The following NXPH1 variants were observed in gnomAD, a reference collection of about 807,000 sequenced individuals.
NXPH1 encodes the protein neurexophilin 1.
NXPH1 carries 5 observed loss-of-function variants against 23.7 expected under a neutral mutation model. The ratio of observed to expected loss-of-function variants is 0.21; its 90% confidence interval spans 0.11 to 0.44. The LOEUF is 0.44. Among genes scored for constraint, NXPH1 ranks in the 20% least tolerant of loss-of-function variants. NXPH1 has a pLI of 0.99. For missense variants in NXPH1, 324 were observed against 321.6 expected (o/e 1.01, Z -0.06); for synonymous variants, 144 against 122.2 (o/e 1.18, Z -1.18).
At chr7:8,682,000 A>G (rs564592122) in intron 2 of NXPH1, among the ~76,000 whole-genome samples, 2 of 152,310 alleles carry the variant, frequency 1.3e-5, no homozygotes, top group East Asian at 3.9e-4. Context: ...CAAGGAGGCA[A>G]GGGAGGAGAA....
intron 2 of NXPH1, among the ~76,000 whole-genome samples, chr7:8,490,389 G>T (rs1229971320): frequency 1.3e-5 from 2 of 150,902 alleles, no homozygotes; most frequent in African/African-American, 4.9e-5. Context: ...ATAGCTGCTT[G>T]TAGTTACACA....
intron 2 of NXPH1, among the ~76,000 whole-genome samples, chr7:8,437,189 G>A (rs1452321865): frequency 6.6e-6 from 1 of 152,194 alleles, no homozygotes; most frequent in Non-Finnish European, 1.5e-5. Flanking sequence ...TGTCACCGAA[G>A]TCTGTGCCTT....
At chr7:8,614,303 T>C (rs1819685274) in intron 2 of NXPH1, among the ~76,000 whole-genome samples, 3 of 151,900 alleles carry the variant, frequency 2.0e-5, no homozygotes, top group African/African-American at 4.8e-5. Context: ...GGGTAAAAAA[T>C]GCAAACATTG....
At chr7:8,483,481 G>A (rs1227787288) in intron 2 of NXPH1, among the ~76,000 whole-genome samples, 1 of 151,818 alleles carries the variant, frequency 6.6e-6, no homozygotes, top group Non-Finnish European at 1.5e-5. Flanking sequence ...GCTAAATTTT[G>A]TATTTTCTGT....
intron 2 of NXPH1, among the ~76,000 whole-genome samples, chr7:8,746,742 A>G (rs573510575): frequency 2.6e-5 from 4 of 152,186 alleles, no homozygotes; most frequent in African/African-American, 9.7e-5. Flanking sequence ...GTAAAATACA[A>G]TATTGACTAT....
intron 2 of NXPH1, among the ~76,000 whole-genome samples, chr7:8,731,973 C>A (rs1000769684): frequency 6.6e-6 from 1 of 152,222 alleles, no homozygotes; most frequent in African/African-American, 2.4e-5. Context: ...TCTCAGACTG[C>A]TGTGCTAGCA....
intron 2 of NXPH1, among the ~76,000 whole-genome samples, chr7:8,557,163 G>A (rs1000547595): frequency 6.6e-6 from 1 of 151,656 alleles, no homozygotes; most frequent in Non-Finnish European, 1.5e-5. Flanking sequence ...GTCCATACAT[G>A]TGCTTATGGG....
chr7:8,652,995 C>T (rs921672147), intron 2 of NXPH1, among the ~76,000 whole-genome samples: 3 of 152,106 alleles, frequency 2.0e-5, no homozygotes, highest in Admixed American at 6.6e-5. Flanking sequence ...CCACCTCCAC[C>T]CTATTTTCTG....
chr7:8,459,752 T>G (rs1324527390), intron 2 of NXPH1, among the ~76,000 whole-genome samples: 1 of 152,144 alleles, frequency 6.6e-6, no homozygotes, highest in African/African-American at 2.4e-5. Flanking sequence ...AGTAAGGATG[T>G]GCAGTAGATA....
intron 2 of NXPH1, among the ~76,000 whole-genome samples, chr7:8,645,586 ATATAT>A (rs1361627862): frequency 2.1e-5 from 3 of 145,732 alleles, no homozygotes; most frequent in African/African-American, 7.5e-5. Context: ...TGAACATCAC[ATATAT>A]TATAAATGTA....
intron 2 of NXPH1, among the ~76,000 whole-genome samples, chr7:8,689,340 C>T (rs1259213241): frequency 1.3e-5 from 2 of 150,450 alleles, no homozygotes; most frequent in Admixed American, 6.6e-5. Context: ...AACCAACTTA[C>T]TATCAGTCAG....
At chr7:8,722,423 T>G (rs778116834) in intron 2 of NXPH1, among the ~76,000 whole-genome samples, 2 of 152,214 alleles carry the variant, frequency 1.3e-5, no homozygotes, top group Admixed American at 6.5e-5. Flanking sequence ...GGTTCTCTCA[T>G]TTCAATTCTC....
At chr7:8,570,445 C>T (rs148521190) in intron 2 of NXPH1, among the ~76,000 whole-genome samples, 58 of 152,008 alleles carry the variant, frequency 3.8e-4, no homozygotes, top group East Asian at 7.8e-4. Context: ...GTTATGAAGA[C>T]GGCACATAAC....
At chr7:8,462,475 G>A (rs1188611699) in intron 2 of NXPH1, among the ~76,000 whole-genome samples, 1 of 152,154 alleles carries the variant, frequency 6.6e-6, no homozygotes, top group African/African-American at 2.4e-5. Flanking sequence ...TCATCACTGA[G>A]AAATGGAGAA....
intron 2 of NXPH1, among the ~76,000 whole-genome samples, chr7:8,708,862 G>A (rs1779743899): frequency 6.6e-6 from 1 of 152,108 alleles, no homozygotes; most frequent in Admixed American, 6.5e-5. Context: ...GACGAGCAAT[G>A]CCGACAATAC....
At chr7:8,605,092 A>T (rs1032389489) in intron 2 of NXPH1, among the ~76,000 whole-genome samples, 2 of 152,140 alleles carry the variant, frequency 1.3e-5, no homozygotes, top group Admixed American at 6.6e-5. Flanking sequence ...AAATAACTTC[A>T]AGTGAATTCA....
chr7:8,674,405 T>G (rs1820917226), intron 2 of NXPH1, among the ~76,000 whole-genome samples: 3 of 152,196 alleles, frequency 2.0e-5, no homozygotes, highest in Admixed American at 2.0e-4. Flanking sequence ...GTATGACTAT[T>G]ACACTTCTCT....
At chr7:8,689,786 A>G (rs779135295) in intron 2 of NXPH1, among the ~76,000 whole-genome samples, 29 of 152,206 alleles carry the variant, frequency 1.9e-4, no homozygotes, top group South Asian at 1.0e-3. Context: ...AGGATAATAA[A>G]CATATCTAGC....
chr7:8,698,659 G>A (rs1779573489), intron 2 of NXPH1, among the ~76,000 whole-genome samples: 1 of 152,130 alleles, frequency 6.6e-6, no homozygotes, highest in South Asian at 2.1e-4. Context: ...TTATTTCAGA[G>A]TGATAAACTA....
Sources: allele counts gnomAD v4.1 joint callset (sites outside exome capture counted in the v4.1 genomes callset), GRCh38; gene constraint gnomAD v4.1.1; transcripts MANE v1.5; gene names NCBI Gene and HGNC (gene_info 2026-07-23, HGNC 2026-07-21).